RNF19B: variants seen among roughly 807,000 people sequenced by gnomAD.
RNF19B encodes the protein E3 ubiquitin-protein ligase RNF19B.
A neutral mutation model predicts 65.5 loss-of-function variants in RNF19B; 23 were observed. The ratio of observed to expected loss-of-function variants is 0.35; its 90% confidence interval spans 0.25 to 0.50. The LOEUF (loss-of-function observed/expected upper bound fraction) is 0.50. Among genes scored for constraint, RNF19B ranks in the 20% least tolerant of loss-of-function variants. The pLI is 0.98. For missense variants in RNF19B, 794 were observed against 980.0 expected, an observed-to-expected ratio of 0.81 and a Z score of 2.53; for synonymous variants, 372 against 379.6, an observed-to-expected ratio of 0.98 and a Z score of 0.23.
chr1:32,964,010 G>A lies in RNF19B; in HGVS notation c.635+41C>T. On this transcript the variant is annotated intron_variant, in intron 1 of 8. Transcript: ENST00000235150. This position sits in a 1 kb window ranked among gnomAD's most constrained non-coding sequence, Gnocchi z 6.5. The stretch of plus-strand genomic sequence containing the variant: ...CTGCTGCCCCCAGCCACGCCCCTCG[G>A]CTGCAGCCCGCCGCCACCCGCGCCA... The A allele has an allele frequency of 7.1e-7, 1 of 1,405,322 alleles. No individual in the cohort carries two copies. The allele number at this position is 1,405,322 out of a possible 1,614,324, so 87.1% of individuals were successfully genotyped here.
rs529466004 is a variant in RNF19B, at chr1:32,937,432, C to T, written c.1743-173G>A. The T allele has an allele frequency of 8.6e-6, 9 of 1,051,952 alleles. No homozygotes were observed. In the South Asian group the frequency reaches 1.2e-4, roughly 14 times the overall value. The allele number at this position is 1,051,952 out of a possible 1,614,324, so 65.2% of individuals were successfully genotyped here. A position where few individuals can be genotyped will look rare whatever the true frequency, so the allele number is the denominator to read the frequency against. On this transcript the variant is annotated intron_variant, in intron 8 of 8. Coordinates refer to ENST00000235150, the MANE Select transcript of RNF19B (RefSeq NM_001300826.2). Reference sequence around the variant, plus strand: ...ATCTAACACTCAAATGAGATGGAGGCTGGACGTGGTGGCTCATGCCTATAA... The same window carrying T: ...ATCTAACACTCAAATGAGATGGAGGTTGGACGTGGTGGCTCATGCCTATAA...
chr1:32,948,404 T>C (rs1439184145), intron 2 of RNF19B, 41 bp from the exon 3 acceptor site: 1 of 1,600,008 alleles, frequency 6.2e-7, no homozygotes, highest in Non-Finnish European at 8.5e-7. Flanking sequence ...AAAATACCCC[T>C]AGTTAAATCC....
In RNF19B at chr1:32,964,167, G is replaced by T. The variant is rs1352032677; in HGVS notation, c.519C>A (p.His173Gln). 6.5e-7 allele frequency: 1 copy of T among 1,544,962 alleles called. No homozygotes were observed. Among genetic ancestry groups the T allele is most frequent in the Admixed American group, 2.0e-5 (1 of 50,492 alleles). The change falls in exon 1 of 9, where the codon CAC (histidine) becomes CAA (glutamine). Residue 173 changes from histidine (H) to glutamine (Q), a missense_variant. Coordinates refer to ENST00000235150, the MANE Select transcript of RNF19B (RefSeq NM_001300826.2). This position sits in a 1 kb window ranked among gnomAD's most constrained non-coding sequence, Gnocchi z 6.5. ...GGTCGGCGAGCAGCAAGCGGATGTC[G>T]TGCGGGTTGAGTCGCTCGCTGCACT... ...CPECSERLNP[H>Q]DIRLLLADPP...
chr1:32,956,883 T>G (rs992715658), intron 1 of RNF19B, among the ~76,000 whole-genome samples: 9 of 152,206 alleles, frequency 5.9e-5, no homozygotes, highest in Non-Finnish European at 1.2e-4. Flanking sequence ...AGACCCCTAG[T>G]AGGCATCAGG....
chr1:32,930,413 T>G, the RNF19B span, among the ~76,000 whole-genome samples: 1 of 140,026 alleles, frequency 7.1e-6, no homozygotes, highest in Non-Finnish European at 1.6e-5. Context: ...CCCGGCTGAT[T>G]TTTTTTTTTT....
chr1:32,948,524 T>C (rs1293405605), intron 2 of RNF19B, among the ~76,000 whole-genome samples, 161 bp from the exon 3 acceptor site: 5 of 152,224 alleles, frequency 3.3e-5, no homozygotes, highest in South Asian at 2.1e-4. Flanking sequence ...AGGTTGGCTA[T>C]GTCTAGACCT....
Position 32,964,748 on chromosome 1 carries a change from C to T in RNF19B, c.-63G>A. 2.3e-6 allele frequency: 3 copies of T among 1,306,432 alleles called. No individual in the cohort carries two copies. Among genetic ancestry groups the T allele is most frequent in the Non-Finnish European group, 2.9e-6 (3 of 1,028,522 alleles). 80.9% of individuals were successfully genotyped at this position (1,306,432 alleles called of 1,614,324 possible). A position where few individuals can be genotyped will look rare whatever the true frequency, so the allele number is the denominator to read the frequency against. ...CGCCACAGCTCCCGCCTCAGCGCCC[C>T]TCAGCCAGCGCCCGGCCGCCGCCGA... On this transcript the variant is annotated 5_prime_UTR_variant, in exon 1 of 9. Coordinates refer to ENST00000235150, the MANE Select transcript of RNF19B (RefSeq NM_001300826.2). The surrounding 1 kb of genome is among the most constrained non-coding windows in gnomAD (Gnocchi z 6.5).
intron 1 of RNF19B, among the ~76,000 whole-genome samples, chr1:32,955,244 T>C (rs1029377413): frequency 6.6e-6 from 1 of 152,076 alleles, no homozygotes; most frequent in African/African-American, 2.4e-5. Flanking sequence ...TTGTTTGACC[T>C]TCCCTAGGAC....
downstream of RNF19B, among the ~76,000 whole-genome samples, chr1:32,932,573 C>A (rs1014716206): frequency 1.3e-5 from 2 of 152,168 alleles, no homozygotes; most frequent in African/African-American, 4.8e-5. Flanking sequence ...AATGAGTATT[C>A]ATTTACCATA....
intron 8 of RNF19B, among the ~76,000 whole-genome samples, chr1:32,937,692 G>C (rs920615934): frequency 3.3e-5 from 5 of 152,106 alleles, no homozygotes; most frequent in Non-Finnish European, 7.4e-5. Context: ...CTGGTTGACA[G>C]AGCAAGACCC....
chr1:32,959,911 C>T (rs1256833735), intron 1 of RNF19B, among the ~76,000 whole-genome samples: 2 of 150,308 alleles, frequency 1.3e-5, no homozygotes, highest in African/African-American at 2.4e-5. Context: ...ATTAACCAGG[C>T]GTGGTGGTGG....
At chr1:32,946,644 G>A (rs1642373128) in intron 3 of RNF19B, 80 bp from the exon 4 acceptor site, 1 of 1,269,406 alleles carries the variant, frequency 7.9e-7, no homozygotes, top group African/African-American at 1.5e-5. Context: ...AACAGCAACA[G>A]CCTTCTTTTC....
At position 32,952,429 on chromosome 1, in the gene RNF19B, TA is replaced by T. The variant is rs375150376; in HGVS notation, c.636-2656del. ...GGCAACACAGCAAGACCTTTTCTCT[TA>T]AAAAAAAAAAAAAAAAAAAAAAAAA... On this transcript the variant is annotated intron_variant, in intron 1 of 8. Transcript: ENST00000235150. Among the ~76,000 whole-genome samples the T allele has an allele frequency of 7.8e-3, 576 of 73,910 alleles. 3 individuals carry two copies. Among genetic ancestry groups the T allele is most frequent in the East Asian group, 0.014 (41 of 3,026 alleles). The allele number at this position is 73,910 out of a possible 152,430, so 48.5% of individuals were successfully genotyped here. A position where few individuals can be genotyped will look rare whatever the true frequency, so the allele number is the denominator to read the frequency against.
At position 32,936,825 on chromosome 1, in the gene RNF19B, C is replaced by T; in HGVS notation, c.2177G>A (p.Gly726Asp). The change falls in exon 9 of 9, where the codon GGT (glycine) becomes GAT (aspartate). Residue 726 changes from glycine (G) to aspartate (D), a missense_variant. Physicochemically the swap from Gly to Asp is moderately conservative, Grantham distance 94. Transcript: ENST00000235150. ...AEGQTVLKPE[G>D]GEARV ...TCCACTTCATACTCTGGCTTCTCCA[C>T]CTTCTGGCTTCAAGACAGTTTGTCC... 1 of 1,572,602 alleles carries T rather than the reference C, an allele frequency of 6.4e-7. No homozygotes were observed. The highest frequency in any genetic ancestry group is 8.7e-7 in the Non-Finnish European group (1 of 1,155,334).
chr1:32,955,715 C>T (rs112657689), intron 1 of RNF19B, among the ~76,000 whole-genome samples: 107 of 149,960 alleles, frequency 7.1e-4, no homozygotes, highest in African/African-American at 2.5e-3. Flanking sequence ...TGCCACTGCA[C>T]TCCAGCCTGG....
intron 1 of RNF19B, among the ~76,000 whole-genome samples, chr1:32,962,348 G>A (rs919280767): frequency 6.6e-6 from 1 of 152,018 alleles, no homozygotes; most frequent in Non-Finnish European, 1.5e-5. Context: ...AACCTCAGAG[G>A]GCCAGTAAGA....
chr1:32,948,366 G>C lies in RNF19B; in HGVS notation c.842-3C>G, dbSNP rs200225406. 3.7e-6 allele frequency: 6 copies of C among 1,611,488 alleles called. No individual in the cohort carries two copies. Among genetic ancestry groups the C allele is most frequent in the Non-Finnish European group, 5.1e-6 (6 of 1,178,326 alleles). ...TCGTGGGCATGGCTTGATGTCATCT[G>C]CTATGAGTGGGGGAAGAATGGGTAG... On this transcript the variant is annotated splice_polypyrimidine_tract_variant and splice_region_variant and intron_variant, in intron 2 of 8. Transcript: ENST00000235150.
chr1:32,937,568 G>T (rs889872950), intron 8 of RNF19B, among the ~76,000 whole-genome samples: 2 of 151,984 alleles, frequency 1.3e-5, no homozygotes, highest in Non-Finnish European at 2.9e-5. Flanking sequence ...AATTAGCTGG[G>T]CATGGAGGCA....
Position 32,964,408 on chromosome 1 carries a change from G to A in RNF19B, c.278C>T (p.Ala93Val). ...GAACCCAGGCTCCGCCGCCGCCGCC[G>A]CGGCCTCCGCCTCGGCCTCGGCGGC... ...EPAAEAEAEA[A>V]AAAAEPGFDD... Residue 93 changes from alanine (A) to valine (V), a missense_variant, in exon 1 of 9, where the codon GCG (alanine) becomes GTG (valine). This residue lies in a region of RNF19B where 374 missense variants were observed against 423.8 expected (regional missense o/e 0.88). Coordinates refer to ENST00000235150, the MANE Select transcript of RNF19B (RefSeq NM_001300826.2). This position sits in a 1 kb window ranked among gnomAD's most constrained non-coding sequence, Gnocchi z 6.5. The A allele has an allele frequency of 4.5e-5, 58 of 1,277,284 alleles. No individual in the cohort carries two copies. The highest frequency in any genetic ancestry group is 5.7e-5 in the Non-Finnish European group (58 of 1,013,750). The allele number at this position is 1,277,284 out of a possible 1,614,324, so 79.1% of individuals were successfully genotyped here.
Sources: gnomAD v4.1 joint callset for allele counts (sites outside exome capture counted in the v4.1 genomes callset) on GRCh38, gnomAD v4.1.1 for gene constraint, gnomAD v4.1.1 regional missense constraint, Gnocchi (gnomAD v3.1) non-coding constraint, MANE v1.5 for transcripts, NCBI Gene and HGNC (gene_info 2026-07-23, HGNC 2026-07-21) for gene names.